Variants in SCFD2 observed in about 807,000 individuals in gnomAD.
SCFD2 encodes sec1 family domain containing 2, also known as sec1 family domain-containing protein 2.
SCFD2 carries 54 observed loss-of-function variants against 58.9 expected under a neutral mutation model. The observed-to-expected ratio is 0.92, with a 90% CI of 0.74 to 1.15. The LOEUF (loss-of-function observed/expected upper bound fraction) is 1.15. Among genes scored for constraint, SCFD2 ranks in the 50% most tolerant of loss-of-function variants. The pLI, the probability that SCFD2 is intolerant of heterozygous loss-of-function variation, is 0.00. For missense variants in SCFD2, 805 were observed against 836.6 expected (o/e 0.96, Z 0.47); for synonymous variants, 321 against 335.9 (o/e 0.96, Z 0.49).
intron 5 of SCFD2, among the ~76,000 whole-genome samples, chr4:53,078,688 TA>T (rs757406127): frequency 1.4e-4 from 22 of 152,296 alleles, no homozygotes; most frequent in Non-Finnish European, 2.8e-4. Context: ...ACAGAGAGGT[TA>T]AATAACTTGC....
At chr4:53,236,812 ATT>A (rs201223744) in intron 4 of SCFD2, among the ~76,000 whole-genome samples, 1 of 29,030 alleles carries the variant, frequency 3.4e-5, no homozygotes, top group African/African-American at 1.7e-4. Flanking sequence ...TCACTGTTTT[ATT>A]TATTTATTTA....
rs1324656505 is a variant in SCFD2 at position 53,252,256 on chromosome 4, CA to C, written c.1311+21569del. On this transcript the variant is annotated intron_variant, in intron 4 of 8. Transcript: ENST00000401642. ...AAGAGGATACAAACAAATGGAAGAACATTCCATGCTCATGGGTAGGAAGAAT... is the reference window on the plus strand; with the variant it reads ...AAGAGGATACAAACAAATGGAAGAACTTCCATGCTCATGGGTAGGAAGAAT... Among the ~76,000 whole-genome samples, 265 of 146,308 alleles carry C rather than the reference CA, an allele frequency of 1.8e-3. 3 individuals are homozygous for C. The highest frequency in any genetic ancestry group is 3.0e-3 in the South Asian group (13 of 4,340).
intron 5 of SCFD2, among the ~76,000 whole-genome samples, chr4:53,091,716 T>A (rs1724474610): frequency 6.6e-6 from 1 of 152,078 alleles, no homozygotes; most frequent in Non-Finnish European, 1.5e-5. Flanking sequence ...ACCTGTGATA[T>A]AACACAGGCA....
At chr4:53,032,966 A>T (rs756797475) in intron 5 of SCFD2, among the ~76,000 whole-genome samples, 1 of 152,172 alleles carries the variant, frequency 6.6e-6, no homozygotes. Context: ...GACCAAGCAG[A>T]CCTAATAGAC....
At chr4:53,123,849 T>C in intron 5 of SCFD2, among the ~76,000 whole-genome samples, 1 of 152,212 alleles carries the variant, frequency 6.6e-6, no homozygotes, top group South Asian at 2.1e-4. Flanking sequence ...TCTGATTCAG[T>C]AGGTCTAGGG....
rs185845381 is a variant in SCFD2 at position 53,327,116 on chromosome 4, G to A, written c.1008-13353C>T. Among the ~76,000 whole-genome samples, 157 of 152,204 alleles carry A rather than the reference G, an allele frequency of 1.0e-3. 1 individual carries two copies. Among genetic ancestry groups the A allele is most frequent in the African/African-American group, 3.6e-3 (150 of 41,526 alleles). ...GCAGAGTTCATGTAATGAGCAGGCT[G>A]GAAACATGTTAGCACAGAGTGTCGG... On this transcript the variant is annotated intron_variant, in intron 2 of 8. Coordinates refer to ENST00000401642, the MANE Select transcript of SCFD2 (RefSeq NM_152540.4).
chr4:53,273,825 C>A lies in SCFD2; in HGVS notation c.1311+1G>T. The A allele has an allele frequency of 6.2e-7, 1 of 1,610,876 alleles. No homozygotes were observed. The highest frequency in any genetic ancestry group is 8.5e-7 in the Non-Finnish European group (1 of 1,178,500). ...CCCACGAGGTTCCCATAGCAACATA[C>A]CTGAAGAAGGAGCCTTTCAAAAGCC... On this transcript the variant is annotated splice_donor_variant, in intron 4 of 8. Transcript: ENST00000401642. LOFTEE classifies it high-confidence loss of function.
chr4:53,303,600 G>A (rs1017145660), intron 3 of SCFD2, among the ~76,000 whole-genome samples: 1 of 152,100 alleles, frequency 6.6e-6, no homozygotes, highest in Non-Finnish European at 1.5e-5. Flanking sequence ...TCCCATTACT[G>A]TGTATATACC....
At chr4:53,183,007 T>G (rs930521684) in intron 4 of SCFD2, among the ~76,000 whole-genome samples, 4 of 152,088 alleles carry the variant, frequency 2.6e-5, no homozygotes, top group Admixed American at 6.5e-5. Context: ...AAACAACAGG[T>G]GCTGGAGAGG....
At chr4:53,173,025 C>T (rs1241254746) in intron 4 of SCFD2, among the ~76,000 whole-genome samples, 2 of 152,078 alleles carry the variant, frequency 1.3e-5, no homozygotes, top group Non-Finnish European at 2.9e-5. Flanking sequence ...TATTTAGGTG[C>T]TTCAATGTTA....
chr4:53,330,211 C>T (rs1361334879), intron 2 of SCFD2, among the ~76,000 whole-genome samples: 1 of 152,126 alleles, frequency 6.6e-6, no homozygotes, highest in Non-Finnish European at 1.5e-5. Flanking sequence ...TCTCGCAAGG[C>T]AAGCCAACGT....
At position 53,130,904 on chromosome 4, in the gene SCFD2, A is replaced by G. The variant is rs377312214; in HGVS notation, c.1561+14429T>C. Among the ~76,000 whole-genome samples the G allele has an allele frequency of 1.8e-4, 28 of 152,314 alleles. No individual in the cohort carries two copies. In the South Asian group the frequency reaches 5.4e-3, roughly 29 times the overall value. On this transcript the variant is annotated intron_variant, in intron 5 of 8. Transcript: ENST00000401642. ...CTAAAAGGAAGAAGATGCAGAGAAC[A>G]CTGATCATGCTGTTGGGCGCCTGCC...
At chr4:53,314,529 T>C (rs928406427) in intron 2 of SCFD2, among the ~76,000 whole-genome samples, 12 of 152,220 alleles carry the variant, frequency 7.9e-5, no homozygotes, top group African/African-American at 2.9e-4. Flanking sequence ...ACATTTGTAG[T>C]AACGTTTTAA....
chr4:53,215,401 T>A (rs1728786878), intron 4 of SCFD2, among the ~76,000 whole-genome samples: 1 of 152,144 alleles, frequency 6.6e-6, no homozygotes, highest in South Asian at 2.1e-4. Context: ...AGGTATTTTA[T>A]TCTCTTTGAA....
At chr4:53,113,619 A>G (rs926599480) in intron 5 of SCFD2, among the ~76,000 whole-genome samples, 7 of 152,048 alleles carry the variant, frequency 4.6e-5, no homozygotes, top group South Asian at 2.1e-4. Flanking sequence ...CACAACTGCA[A>G]TCACATAGGT....
At chr4:53,092,953 A>T (rs1240138122) in intron 5 of SCFD2, among the ~76,000 whole-genome samples, 1 of 152,250 alleles carries the variant, frequency 6.6e-6, no homozygotes, top group East Asian at 1.9e-4. Context: ...GCTGCTCTGA[A>T]GGAGGTACAA....
At chr4:53,141,478 C>G (rs1292345671) in intron 5 of SCFD2, among the ~76,000 whole-genome samples, 1 of 152,116 alleles carries the variant, frequency 6.6e-6, no homozygotes, top group East Asian at 1.9e-4. Context: ...CAACGAGTCA[C>G]TACCCACAAG....
At chr4:53,122,237 C>A (rs1009578782) in intron 5 of SCFD2, among the ~76,000 whole-genome samples, 1 of 152,098 alleles carries the variant, frequency 6.6e-6, no homozygotes, top group African/African-American at 2.4e-5. Context: ...ATTAGCTGGG[C>A]ATGGTGGTGG....
At chr4:52,891,919 G>A (rs902405991) in intron 7 of SCFD2, among the ~76,000 whole-genome samples, 8 of 152,176 alleles carry the variant, frequency 5.3e-5, no homozygotes, top group African/African-American at 1.9e-4. Context: ...CTTGCTCCAT[G>A]ACAAGCTGTG....
Sources: gnomAD v4.1 joint callset for allele counts (sites outside exome capture counted in the v4.1 genomes callset) on GRCh38, gnomAD v4.1.1 for gene constraint, MANE v1.5 for transcripts, NCBI Gene and HGNC (gene_info 2026-07-23, HGNC 2026-07-21) for gene names.